Variants in MYO10 observed in about 807,000 individuals in gnomAD.
MYO10 encodes unconventional myosin-X.
In MYO10, 133 loss-of-function variants were observed where a neutral mutation model predicts 257.3. That is an observed-to-expected ratio of 0.52 (90% CI 0.45 to 0.60). The LOEUF is 0.60. Ranked by LOEUF, MYO10 falls within the 20% of genes least tolerant of loss-of-function variation. MYO10 has a pLI of 0.00. For synonymous variants in MYO10, 1,104 were observed against 1,028.6 expected (o/e 1.07, Z -1.40); for missense variants, 2,399 against 2,635.7 (o/e 0.91, Z 1.97).
intron 19 of MYO10, among the ~76,000 whole-genome samples, chr5:16,745,210 G>C (rs1185565115): frequency 6.6e-6 from 1 of 152,036 alleles, no homozygotes; most frequent in Non-Finnish European, 1.5e-5. Context: ...AGTGGTGGCG[G>C]GTATCTGTAA....
chr5:16,714,496 C>T (rs186890681), intron 19 of MYO10, among the ~76,000 whole-genome samples: 1 of 152,174 alleles, frequency 6.6e-6, no homozygotes, highest in Admixed American at 6.5e-5. Flanking sequence ...AGGATCCCCT[C>T]GGTGGCAGCA....
intron 3 of MYO10, 38 bp downstream of exon 3, chr5:16,817,971 G>T: frequency 7.2e-7 from 1 of 1,396,188 alleles, no homozygotes; most frequent in East Asian, 2.6e-5. Flanking sequence ...TCACTCAAAC[G>T]TGAGGATCTT....
At chr5:16,745,795 G>A (rs1016218562) in intron 19 of MYO10, among the ~76,000 whole-genome samples, 28 of 152,166 alleles carry the variant, frequency 1.8e-4, no homozygotes, top group Non-Finnish European at 1.8e-4. Flanking sequence ...GGAAAAGGGA[G>A]GATGATCCCT....
chr5:16,917,662 C>T (rs912582143), intron 1 of MYO10, among the ~76,000 whole-genome samples: 7 of 148,972 alleles, frequency 4.7e-5, no homozygotes, highest in African/African-American at 1.7e-4. Flanking sequence ...AGCTCAAGAC[C>T]AGCCAGGGCA....
Position 16,703,011 on chromosome 5 carries a change from G to A in MYO10, c.2424C>T (p.Tyr808=), listed in dbSNP as rs1369489183. 1.9e-6 allele frequency: 3 copies of A among 1,552,224 alleles called. No individual in the cohort carries two copies. The highest frequency in any genetic ancestry group is 4.9e-5 in the East Asian group (2 of 40,982). The change falls in exon 23 of 41, where the codon TAC becomes TAT. Residue 808 remains tyrosine (Y), a synonymous_variant. Coordinates refer to ENST00000513610, the MANE Select transcript of MYO10 (RefSeq NM_012334.3). ...QLRGQIARRV[Y]RQLLAEKREQ... is the part of the protein sequence containing the mutation. ...CCCTTTTCTCTGCCAGCAATTGTCT[G>A]TAAACTCTCCGAGCAATCTGACCTC...
chr5:16,913,705 T>A (rs752712006), intron 1 of MYO10, among the ~76,000 whole-genome samples: 9 of 152,096 alleles, frequency 5.9e-5, no homozygotes, highest in Non-Finnish European at 1.2e-4. Flanking sequence ...GCCTGCAACA[T>A]CTTGAGTCAG....
At chr5:16,902,039 T>C (rs530659361) in intron 1 of MYO10, among the ~76,000 whole-genome samples, 1 of 152,292 alleles carries the variant, frequency 6.6e-6, no homozygotes, top group Admixed American at 6.5e-5. Flanking sequence ...TCTTACCTTT[T>C]ATTTTCTTTA....
intron 9 of MYO10, among the ~76,000 whole-genome samples, chr5:16,774,053 A>T (rs1579975989): frequency 6.6e-6 from 1 of 152,054 alleles, no homozygotes. Flanking sequence ...AGCAATCTCC[A>T]CCCCTTTGAC....
intron 1 of MYO10, among the ~76,000 whole-genome samples, chr5:16,901,158 C>T (rs1346329174): frequency 1.3e-5 from 2 of 152,146 alleles, no homozygotes; most frequent in African/African-American, 4.8e-5. Context: ...CTTCTCAGCT[C>T]TCACCCAGGC....
At chr5:16,823,370 G>A (rs959772244) in intron 2 of MYO10, among the ~76,000 whole-genome samples, 2 of 135,638 alleles carry the variant, frequency 1.5e-5, no homozygotes, top group African/African-American at 5.4e-5. Context: ...ACTTGAACCC[G>A]GGGGGCAGAT....
intron 2 of MYO10, among the ~76,000 whole-genome samples, chr5:16,847,516 AG>A (rs1218744962): frequency 1.3e-5 from 2 of 152,028 alleles, no homozygotes; most frequent in African/African-American, 4.8e-5. Context: ...GAGGATCGCT[AG>A]GCCCCAGGCA....
chr5:16,816,990 T>C (rs1386135724), intron 3 of MYO10, among the ~76,000 whole-genome samples: 2 of 152,074 alleles, frequency 1.3e-5, no homozygotes, highest in Non-Finnish European at 2.9e-5. Flanking sequence ...CAGCTAGTTT[T>C]TGTATTTTTA....
intron 2 of MYO10, among the ~76,000 whole-genome samples, chr5:16,871,504 A>AGC (rs1744455154): frequency 6.6e-6 from 1 of 152,132 alleles, no homozygotes. Flanking sequence ...CTACTAGGGA[A>AGC]GCTGAGGTGG....
At chr5:16,900,992 G>A (rs535376677) in intron 1 of MYO10, among the ~76,000 whole-genome samples, 48 of 152,128 alleles carry the variant, frequency 3.2e-4, no homozygotes, top group African/African-American at 1.1e-3. Flanking sequence ...CACCCACCTC[G>A]GCCTCCCAAA....
chr5:16,852,982 T>A (rs1743851437), intron 2 of MYO10, among the ~76,000 whole-genome samples: 1 of 152,076 alleles, frequency 6.6e-6, no homozygotes, highest in Admixed American at 6.6e-5. Context: ...GAACTAGGAA[T>A]GAAATGGGAA....
At chr5:16,745,036 A>C (rs1430079060) in intron 19 of MYO10, among the ~76,000 whole-genome samples, 1 of 152,256 alleles carries the variant, frequency 6.6e-6, no homozygotes, top group Non-Finnish European at 1.5e-5. Flanking sequence ...GATTTCATTC[A>C]TTACAATTAA....
rs549723460 is a variant in MYO10, at chr5:16,709,408, C to T, written c.2169+1500G>A. On this transcript the variant is annotated intron_variant, in intron 21 of 40. Transcript: ENST00000513610. ...AGCCATTAGACTGCAGCAAAGGTGACGGGATATCACTTCTGTGAGAACGCT... is the reference window on the plus strand; with the variant it reads ...AGCCATTAGACTGCAGCAAAGGTGATGGGATATCACTTCTGTGAGAACGCT... 4.6e-5 allele frequency among the ~76,000 whole-genome samples: 7 copies of T among 152,210 alleles called. 1 individual carries two copies. Among genetic ancestry groups the T allele is most frequent in the Middle Eastern group, 3.4e-3 (1 of 294 alleles).
intron 3 of MYO10, among the ~76,000 whole-genome samples, chr5:16,805,414 A>G (rs1009494799): frequency 7.8e-5 from 11 of 140,436 alleles, no homozygotes; most frequent in African/African-American, 2.9e-4. Context: ...GTGAACCATC[A>G]TGGCACTGCA....
At position 16,706,228 on chromosome 5, in the gene MYO10, T is replaced by C. The variant is rs115179334; in HGVS notation, c.2170-1543A>G. Among the ~76,000 whole-genome samples the C allele has an allele frequency of 4.9e-3, 750 of 152,124 alleles. 10 individuals carry two copies. Among genetic ancestry groups the C allele is most frequent in the African/African-American group, 0.017 (691 of 41,432 alleles). ...ATATACACACACGTACATACTCATA[T>C]ATATACACACTCATATATATACACA... On this transcript the variant is annotated intron_variant, in intron 21 of 40. Coordinates refer to ENST00000513610, the MANE Select transcript of MYO10 (RefSeq NM_012334.3).
Sources: gnomAD v4.1 joint callset for allele counts (sites outside exome capture counted in the v4.1 genomes callset) on GRCh38, gnomAD v4.1.1 for gene constraint, MANE v1.5 for transcripts, NCBI Gene and HGNC (gene_info 2026-07-23, HGNC 2026-07-21) for gene names.